Variants in TSNARE1 observed in about 807,000 individuals in gnomAD.
TSNARE1 encodes the protein t-SNARE domain containing 1.
Under a neutral mutation model 62.0 loss-of-function variants are expected in TSNARE1, and 49 were observed. The ratio of observed to expected loss-of-function variants is 0.79; its 90% confidence interval spans 0.63 to 1.00. TSNARE1 has a LOEUF of 1.00. TSNARE1 is among the 50% of genes least tolerant of loss of function. TSNARE1 has a pLI of 0.00. For synonymous variants in TSNARE1, 328 were observed against 294.4 expected, an observed-to-expected ratio of 1.11 and a Z score of -1.17; for missense variants, 755 against 700.1, an observed-to-expected ratio of 1.08 and a Z score of -0.88.
chr8:142,339,506 G>A (rs923492080), intron 4 of TSNARE1, among the ~76,000 whole-genome samples: 5 of 152,200 alleles, frequency 3.3e-5, no homozygotes, highest in African/African-American at 1.2e-4. Context: ...AGTGGATAGA[G>A]CAAATGCTGT....
intron 11 of TSNARE1, chr8:142,275,764 C>G: frequency 1.0e-6 from 1 of 985,452 alleles, no homozygotes; most frequent in Non-Finnish European, 1.2e-6. Flanking sequence ...TACCAGGGCA[C>G]AGACCTGAGC....
rs530558254 is a variant in TSNARE1 at position 142,281,606 on chromosome 8, C to T, written c.1363+2807G>A. ...ATGGAGTCAGAACTGGACACAGTCA[C>T]CCCAGGGTTAGGGTCAGGGTTAAGG... On this transcript the variant is annotated intron_variant, in intron 11 of 13. Coordinates refer to ENST00000524325, the MANE Select transcript of TSNARE1 (RefSeq NM_145003.5). Among the ~76,000 whole-genome samples, 4 of 151,956 alleles carry T rather than the reference C, an allele frequency of 2.6e-5. No homozygotes were observed. In the South Asian group the frequency reaches 8.3e-4, roughly 31 times the overall value.
At chr8:142,249,479 C>T (rs894260046) in intron 12 of TSNARE1, among the ~76,000 whole-genome samples, 1 of 152,178 alleles carries the variant, frequency 6.6e-6, no homozygotes, top group African/African-American at 2.4e-5. Flanking sequence ...TCCCAAGATC[C>T]CCGAGGAGGG....
rs1165576793 is a variant in TSNARE1 at position 142,319,569 on chromosome 8, G to A, written c.894-935C>T. On this transcript the variant is annotated intron_variant, in intron 6 of 13. Coordinates refer to ENST00000524325, the MANE Select transcript of TSNARE1 (RefSeq NM_145003.5). This position sits in a 1 kb window ranked among gnomAD's most constrained non-coding sequence, Gnocchi z 4.9. ...CCAAGTGCAGGGAGGACCCTGGCCT[G>A]CTGGAAACTGGGGAGCCTCAGTGAC... 6.6e-6 allele frequency among the ~76,000 whole-genome samples: 1 copy of A among 152,142 alleles called. No individual in the cohort carries two copies. Among genetic ancestry groups the A allele is most frequent in the Non-Finnish European group, 1.5e-5 (1 of 68,010 alleles).
chr8:142,270,408 A>T, intron 12 of TSNARE1: 2 of 985,384 alleles, frequency 2.0e-6, no homozygotes, highest in Non-Finnish European at 2.4e-6. Flanking sequence ...ATGTAAAAAA[A>T]TACTTTTTGC....
intron 4 of TSNARE1, 141 bp downstream of exon 4, chr8:142,343,825 A>AGGAGGG (rs1832967328): frequency 2.6e-6 from 1 of 387,760 alleles, no homozygotes; most frequent in Non-Finnish European, 3.7e-6. Flanking sequence ...GGAGAGGAGG[A>AGGAGGG]GGGGAGAGGG....
chr8:142,256,899 G>A (rs545453760), intron 12 of TSNARE1, among the ~76,000 whole-genome samples: 2 of 152,334 alleles, frequency 1.3e-5, no homozygotes, highest in East Asian at 3.9e-4. Context: ...GAGGACCAGG[G>A]TCAGGGGCTG....
chr8:142,283,016 G>A (rs573242985), intron 11 of TSNARE1, among the ~76,000 whole-genome samples: 48 of 149,594 alleles, frequency 3.2e-4, no homozygotes, highest in Middle Eastern at 7.1e-3. Context: ...GAGCAGAGGC[G>A]GGGTCAGTGT....
intron 4 of TSNARE1, among the ~76,000 whole-genome samples, chr8:142,342,867 G>A (rs1040054427): frequency 6.9e-6 from 1 of 145,608 alleles, no homozygotes; most frequent in Non-Finnish European, 1.5e-5. Flanking sequence ...GGCAACTTCC[G>A]GACACCTGTC....
At chr8:142,372,211 T>C (rs990219856) in intron 1 of TSNARE1, among the ~76,000 whole-genome samples, 2 of 152,194 alleles carry the variant, frequency 1.3e-5, no homozygotes, top group African/African-American at 4.8e-5. Context: ...CACGGGAGCC[T>C]GACCCCGCAG....
chr8:142,343,598 G>T (rs548142412), intron 4 of TSNARE1, among the ~76,000 whole-genome samples: 3 of 151,638 alleles, frequency 2.0e-5, no homozygotes, highest in Non-Finnish European at 2.9e-5. Flanking sequence ...CAAGTCAAAC[G>T]CCAAGCAGGG....
intron 6 of TSNARE1, 134 bp downstream of exon 6, chr8:142,330,767 C>T: frequency 1.2e-6 from 1 of 835,424 alleles, no homozygotes; most frequent in Non-Finnish European, 2.0e-6. Context: ...TATGTGCGCA[C>T]ATGTGTGTCC....
intron 12 of TSNARE1, among the ~76,000 whole-genome samples, chr8:142,264,159 T>C (rs1054897419): frequency 2.6e-5 from 4 of 152,252 alleles, no homozygotes; most frequent in African/African-American, 9.6e-5. Context: ...TAACTTCATA[T>C]CCCTTAATGA....
At chr8:142,243,142 A>C (rs1381106742) in intron 12 of TSNARE1, among the ~76,000 whole-genome samples, 1 of 152,130 alleles carries the variant, frequency 6.6e-6, no homozygotes, top group Non-Finnish European at 1.5e-5. Flanking sequence ...ACCCTTGCGC[A>C]CTGTTGGTGG....
chr8:142,401,355 C>T (rs957598034), intron 1 of TSNARE1, among the ~76,000 whole-genome samples: 3 of 151,970 alleles, frequency 2.0e-5, no homozygotes, highest in Non-Finnish European at 4.4e-5. Flanking sequence ...CCAGGGCATT[C>T]CAAGCAGAAG....
intron 1 of TSNARE1, among the ~76,000 whole-genome samples, chr8:142,380,894 G>A (rs2131211282): frequency 6.6e-6 from 1 of 152,072 alleles, no homozygotes; most frequent in African/African-American, 2.4e-5. Flanking sequence ...TAATAAAGGG[G>A]GGGGAATGCT....
At chr8:142,299,888 A>C (rs1825429070) in intron 10 of TSNARE1, among the ~76,000 whole-genome samples, 1 of 152,266 alleles carries the variant, frequency 6.6e-6, no homozygotes, top group South Asian at 2.1e-4. Flanking sequence ...GGTATTATAC[A>C]TGTGTAAACT....
chr8:142,240,954 G>C (rs1214898203), intron 12 of TSNARE1, among the ~76,000 whole-genome samples: 1 of 152,182 alleles, frequency 6.6e-6, no homozygotes, highest in Non-Finnish European at 1.5e-5. Context: ...CCAAGATCAG[G>C]AACAAGACAA....
rs35354453 is a variant in TSNARE1, at chr8:142,357,704, G to C, written c.-39-2941C>G. On this transcript the variant is annotated intron_variant, in intron 1 of 13. Transcript: ENST00000524325. ...GTGCAGGGATGAGCCCAGAGGGGCT[G>C]GCACAGGCAGGCAGATACCCAAAGC... 6.0e-3 allele frequency among the ~76,000 whole-genome samples: 916 copies of C among 152,320 alleles called. 10 individuals are homozygous for C. Among genetic ancestry groups the C allele is most frequent in the African/African-American group, 0.021 (859 of 41,562 alleles).
Sources: gnomAD v4.1 joint callset for allele counts (sites outside exome capture counted in the v4.1 genomes callset) on GRCh38, gnomAD v4.1.1 for gene constraint, Gnocchi (gnomAD v3.1) non-coding constraint, MANE v1.5 for transcripts, NCBI Gene and HGNC (gene_info 2026-07-23, HGNC 2026-07-21) for gene names.